Variants in DNAAF4 observed in about 807,000 individuals in gnomAD.
DNAAF4 encodes the protein dynein assembly factor 4, axonemal.
In DNAAF4, 43 loss-of-function variants were observed where a neutral mutation model predicts 51.8. The observed-to-expected ratio is 0.83, with a 90% CI of 0.65 to 1.07. The LOEUF (loss-of-function observed/expected upper bound fraction) is 1.07. Ranked by LOEUF, DNAAF4 falls within the 50% of genes least tolerant of loss-of-function variation. The probability of loss-of-function intolerance (pLI) is 0.00; values close to 1 mark genes in which losing one functional copy is unlikely to be tolerated. For missense variants in DNAAF4, 581 were observed against 493.0 expected (o/e 1.18, Z -1.69); for synonymous variants, 194 against 165.6 (o/e 1.17, Z -1.32).
At chr15:55,455,059 A>G (rs1399118810) in intron 5 of DNAAF4, among the ~76,000 whole-genome samples, 6 of 151,204 alleles carry the variant, frequency 4.0e-5, no homozygotes, top group African/African-American at 1.5e-4. Flanking sequence ...TTTAGAAGAC[A>G]AACTACCAAA....
intron 8 of DNAAF4, among the ~76,000 whole-genome samples, chr15:55,434,650 T>C (rs887175029): frequency 2.6e-5 from 4 of 151,956 alleles, no homozygotes; most frequent in Non-Finnish European, 5.9e-5. Flanking sequence ...CTGTGCAATA[T>C]AGCGAGACCC....
chr15:55,480,805 T>C (rs112189485), intron 4 of DNAAF4, among the ~76,000 whole-genome samples: 1 of 152,166 alleles, frequency 6.6e-6, no homozygotes, highest in African/African-American at 2.4e-5. Flanking sequence ...GGTAGACTCT[T>C]TGGCAGTCAC....
intron 4 of DNAAF4, among the ~76,000 whole-genome samples, chr15:55,479,095 C>T (rs891516590): frequency 6.6e-6 from 1 of 150,996 alleles, no homozygotes; most frequent in Non-Finnish European, 1.5e-5. Context: ...TGCACATTTT[C>T]CCCTGGGAAG....
intron 3 of DNAAF4, among the ~76,000 whole-genome samples, chr15:55,491,642 TAA>T (rs1344477726): frequency 4.2e-5 from 6 of 142,504 alleles, no homozygotes; most frequent in Non-Finnish European, 9.0e-5. Context: ...ATATAATATA[TAA>T]AATATAAAAT....
At chr15:55,438,584 C>T (rs1036981495) in intron 7 of DNAAF4, among the ~76,000 whole-genome samples, 1 of 151,886 alleles carries the variant, frequency 6.6e-6, no homozygotes, top group African/African-American at 2.4e-5. Context: ...GAGTTCAAGA[C>T]CAGCTTGACC....
intron 4 of DNAAF4, among the ~76,000 whole-genome samples, chr15:55,481,354 G>A (rs2058408159): frequency 6.6e-6 from 1 of 152,150 alleles, no homozygotes; most frequent in African/African-American, 2.4e-5. Context: ...CAAGTCATGG[G>A]GCCCCTGGTC....
rs753440358 is a variant in DNAAF4, at chr15:55,497,772, T to G, written c.211A>C (p.Ile71Leu). The G allele has an allele frequency of 1.3e-6, 2 of 1,570,168 alleles. No homozygotes were observed. The highest frequency in any genetic ancestry group is 4.8e-5 in the East Asian group (2 of 41,462). The change falls in exon 3 of 10, where the codon ATT becomes CTT. Residue 71 changes from isoleucine (I) to leucine (L), a missense_variant. By Grantham distance (5) the Ile-to-Leu change is conservative. Coordinates refer to ENST00000321149, the MANE Select transcript of DNAAF4 (RefSeq NM_130810.4). The stretch of plus-strand genomic sequence containing the variant: ...TCTTTTTTATACAAGGTGAAGACAA[T>G]GGTGTCATTCCCAATCTTTGCTTTG... ...SSKAKIGNDT[I>L]VFTLYKKEAA...
intron 5 of DNAAF4, among the ~76,000 whole-genome samples, chr15:55,465,977 A>C (rs541694278): frequency 2.0e-5 from 3 of 152,274 alleles, no homozygotes; most frequent in African/African-American, 7.2e-5. Context: ...AAAAGACTAC[A>C]CATTGGGTGC....
At chr15:55,447,390 C>T (rs1156248465) in intron 6 of DNAAF4, among the ~76,000 whole-genome samples, 2 of 152,054 alleles carry the variant, frequency 1.3e-5, no homozygotes, top group Non-Finnish European at 2.9e-5. Flanking sequence ...CAGGCAGAGG[C>T]TGTAATCTTA....
At chr15:55,440,722 C>A (rs1184599941) in intron 6 of DNAAF4, among the ~76,000 whole-genome samples, 1 of 150,728 alleles carries the variant, frequency 6.6e-6, no homozygotes, top group Non-Finnish European at 1.5e-5. Context: ...CACTCAGCTG[C>A]CCAGGCTGGA....
At chr15:55,433,939 A>ATATAATATATTT (rs369357154) in intron 8 of DNAAF4, among the ~76,000 whole-genome samples, 1 of 5,510 alleles carries the variant, frequency 1.8e-4, no homozygotes, top group East Asian at 0.015. Flanking sequence ...TATATAAAAT[A>ATATAATATATTT]TATATAATAT....
chr15:55,459,159 T>C (rs1015343449), intron 5 of DNAAF4, among the ~76,000 whole-genome samples: 2 of 151,966 alleles, frequency 1.3e-5, no homozygotes, highest in African/African-American at 2.4e-5. Flanking sequence ...GCAGATTTCT[T>C]AGCAGAAGCC....
intron 1 of DNAAF4, among the ~76,000 whole-genome samples, chr15:55,502,400 C>T (rs1048588078): frequency 2.0e-5 from 3 of 151,850 alleles, no homozygotes; most frequent in Non-Finnish European, 2.9e-5. Flanking sequence ...AGCTCATATC[C>T]TTTGTGTTAT....
At chr15:55,433,766 ATAAT>A (rs1359370136) in intron 8 of DNAAF4, among the ~76,000 whole-genome samples, 2 of 117,926 alleles carry the variant, frequency 1.7e-5, no homozygotes, top group Admixed American at 1.3e-4. Context: ...ATAAATATAT[ATAAT>A]TGTTTTTATA....
intron 9 of DNAAF4, among the ~76,000 whole-genome samples, chr15:55,432,075 C>T (rs1189177654): frequency 1.3e-5 from 2 of 151,966 alleles, no homozygotes; most frequent in Non-Finnish European, 2.9e-5. Flanking sequence ...CCTGCCTTAG[C>T]CTCCCAAGTA....
chr15:55,418,336 A>G, intron 7 of DNAAF4: 1 of 1,541,128 alleles, frequency 6.5e-7, no homozygotes, highest in African/African-American at 1.4e-5. Context: ...ATCCAAAGAC[A>G]CTCCAGACAG....
chr15:55,484,487 GAA>G (rs781426367), intron 4 of DNAAF4, among the ~76,000 whole-genome samples: 1,078 of 104,556 alleles, frequency 0.01, 10 homozygotes, highest in African/African-American at 0.034. Context: ...TCCGTCTCAG[GAA>G]AAAAAAAAAA....
intron 4 of DNAAF4, among the ~76,000 whole-genome samples, chr15:55,484,223 C>T (rs897245389): frequency 1.3e-5 from 2 of 152,042 alleles, no homozygotes; most frequent in African/African-American, 4.8e-5. Context: ...GTGGCTCATG[C>T]CTGTAATCCC....
intron 7 of DNAAF4, among the ~76,000 whole-genome samples, chr15:55,419,393 T>C (rs2057368304): frequency 6.6e-6 from 1 of 151,502 alleles, no homozygotes; most frequent in Non-Finnish European, 1.5e-5. Flanking sequence ...CCCTAGCTAA[T>C]TTGTGGGGTG....
Sources: allele counts gnomAD v4.1 joint callset (sites outside exome capture counted in the v4.1 genomes callset), GRCh38; gene constraint gnomAD v4.1.1; transcripts MANE v1.5; gene names NCBI Gene and HGNC (gene_info 2026-07-23, HGNC 2026-07-21).